The following LIX1L variants were observed in gnomAD, a reference collection of about 807,000 sequenced individuals.
LIX1L encodes limb and CNS expressed 1 like.
Under a neutral mutation model 34.0 loss-of-function variants are expected in LIX1L, and 20 were observed. That is an observed-to-expected ratio of 0.59 (90% CI 0.41 to 0.85). The LOEUF (loss-of-function observed/expected upper bound fraction) is 0.85, where lower values mean the gene tolerates loss of function less well. Ranked by LOEUF, LIX1L falls within the 40% of genes least tolerant of loss-of-function variation. The pLI is 0.00. For synonymous variants in LIX1L, 170 were observed against 187.4 expected (o/e 0.91, Z 0.76); for missense variants, 397 against 447.0 (o/e 0.89, Z 1.01).
Position 145,936,212 on chromosome 1 carries a change from TA to T in LIX1L, c.*97del. ...ATACACATATATATTTTTTAAAGTA[TA>T]AAAATGAGAAAGTATGTACAAAAAA... On this transcript the variant is annotated 3_prime_UTR_variant, in exon 6 of 6. Transcript: ENST00000604000. The T allele has an allele frequency of 7.4e-7, 1 of 1,356,508 alleles. No individual in the cohort carries two copies. The highest frequency in any genetic ancestry group is 9.9e-7 in the Non-Finnish European group (1 of 1,005,158). The allele number at this position is 1,356,508 out of a possible 1,614,324, so 84.0% of individuals were successfully genotyped here.
chr1:145,954,273 T>C (rs1300507115), intron 1 of LIX1L, among the ~76,000 whole-genome samples: 2 of 152,134 alleles, frequency 1.3e-5, no homozygotes, highest in Non-Finnish European at 2.9e-5. Context: ...TTTGGACTTC[T>C]GGCCTCCAGA....
Position 145,957,964 on chromosome 1 carries a change from A to C in LIX1L, c.-37T>G. The C allele has an allele frequency of 7.3e-7, 1 of 1,375,194 alleles. No individual in the cohort carries two copies. The highest frequency in any genetic ancestry group is 9.5e-7 in the Non-Finnish European group (1 of 1,051,150). The allele number at this position is 1,375,194 out of a possible 1,614,324, so 85.2% of individuals were successfully genotyped here. The stretch of plus-strand genomic sequence containing the variant: ...ATGGAGTAGCGCCCCGGAGCCTGCC[A>C]GCCTGCCGAGCTAACGGTCCCAACC... On this transcript the variant is annotated 5_prime_UTR_variant, in exon 1 of 6. Coordinates refer to ENST00000604000, the MANE Select transcript of LIX1L (RefSeq NM_153713.3).
rs1434701624 is a variant in LIX1L, at chr1:145,948,053, C to G, written c.293-271G>C. ...TTTTTTTTTCACTCCCACCTCCAAT[C>G]TGAATAGTTCACATTTTAACTTAGT... On this transcript the variant is annotated intron_variant, in intron 1 of 5. Coordinates refer to ENST00000604000, the MANE Select transcript of LIX1L (RefSeq NM_153713.3). This position sits in a 1 kb window ranked among gnomAD's most constrained non-coding sequence, Gnocchi z 4.0. 2.0e-5 allele frequency among the ~76,000 whole-genome samples: 3 copies of G among 152,098 alleles called. No individual in the cohort carries two copies. Among genetic ancestry groups the G allele is most frequent in the African/African-American group, 7.2e-5 (3 of 41,418 alleles).
chr1:145,957,722 C>T lies in LIX1L; in HGVS notation c.206G>A (p.Gly69Asp). 2 of 1,479,776 alleles carry T rather than the reference C, an allele frequency of 1.4e-6. No individual in the cohort carries two copies. Among genetic ancestry groups the T allele is most frequent in the South Asian group, 1.3e-5 (1 of 76,910 alleles). 91.7% of individuals were successfully genotyped at this position (1,479,776 alleles called of 1,614,324 possible). A position where few individuals can be genotyped will look rare whatever the true frequency, so the allele number is the denominator to read the frequency against. ...SGAPGLPLPP[G>D]AAGSPAVLRE... ...CAGCACTGCCGGGCTGCCGGCGGCGCCGGGGGGCAGGGGTAGTCCTGGGGC... is the reference window on the plus strand; with the variant it reads ...CAGCACTGCCGGGCTGCCGGCGGCGTCGGGGGGCAGGGGTAGTCCTGGGGC... Residue 69 changes from glycine to aspartate, a missense_variant, in exon 1 of 6, where the codon GGC (glycine) becomes GAC (aspartate). Coordinates refer to ENST00000604000, the MANE Select transcript of LIX1L (RefSeq NM_153713.3).
At chr1:145,950,557 A>G (rs372226613) in intron 1 of LIX1L, among the ~76,000 whole-genome samples, 1 of 151,538 alleles carries the variant, frequency 6.6e-6, no homozygotes, top group African/African-American at 2.4e-5. Context: ...TAGTAGAGAC[A>G]GGGTTTCACC....
At chr1:145,937,565 C>G in intron 4 of LIX1L, 39 bp downstream of exon 4, 1 of 1,255,498 alleles carries the variant, frequency 8.0e-7, no homozygotes, top group Non-Finnish European at 1.2e-6. Flanking sequence ...AGCAGGCTGA[C>G]CCATGTTATT....
chr1:145,950,971 T>C (rs1434663794), intron 1 of LIX1L, among the ~76,000 whole-genome samples: 4 of 152,222 alleles, frequency 2.6e-5, no homozygotes, highest in Non-Finnish European at 5.9e-5. Context: ...TAGCAAAACT[T>C]TGAGCACTTA....
At chr1:145,936,592 A>G in intron 5 of LIX1L, 40 bp from the exon 6 acceptor site, 1 of 1,611,492 alleles carries the variant, frequency 6.2e-7, no homozygotes, top group Non-Finnish European at 8.5e-7. Flanking sequence ...TGAGAAGGTA[A>G]AGGTTCATAT....
At chr1:145,937,996 T>A (rs1338811214) in intron 3 of LIX1L, among the ~76,000 whole-genome samples, 1 of 151,778 alleles carries the variant, frequency 6.6e-6, no homozygotes, top group Admixed American at 6.6e-5. Flanking sequence ...GGCATGGTAG[T>A]GGGTGCCTGT....
intron 2 of LIX1L, among the ~76,000 whole-genome samples, chr1:145,945,932 C>CAAAA (rs782015208): frequency 2.8e-5 from 2 of 71,900 alleles, no homozygotes; most frequent in African/African-American, 4.7e-5. Flanking sequence ...CTAAAAATAC[C>CAAAA]AAAAAAAAAA....
intron 1 of LIX1L, among the ~76,000 whole-genome samples, chr1:145,955,450 T>C (rs1240416290): frequency 6.6e-6 from 1 of 152,302 alleles, no homozygotes; most frequent in East Asian, 1.9e-4. Flanking sequence ...TTGAAGATGA[T>C]GTGGTAAAGC....
intron 3 of LIX1L, among the ~76,000 whole-genome samples, chr1:145,941,640 T>C (rs1553758664): frequency 6.6e-6 from 1 of 152,114 alleles, no homozygotes; most frequent in African/African-American, 2.4e-5. Context: ...GATGGCGGTG[T>C]TAATTTCTAA....
intron 1 of LIX1L, among the ~76,000 whole-genome samples, chr1:145,951,818 T>C (rs1186193309): frequency 1.3e-5 from 2 of 152,170 alleles, no homozygotes; most frequent in South Asian, 2.1e-4. Context: ...ACCACCATAA[T>C]TGGGAAGGTC....
Position 145,957,948 on chromosome 1 carries a change from C to A in LIX1L, c.-21G>T, listed in dbSNP as rs781854136. 9.1e-6 allele frequency: 13 copies of A among 1,433,668 alleles called. No homozygotes were observed. Among genetic ancestry groups the A allele is most frequent in the Non-Finnish European group, 1.2e-5 (13 of 1,090,368 alleles). The allele number at this position is 1,433,668 out of a possible 1,614,324, so 88.8% of individuals were successfully genotyped here. On this transcript the variant is annotated 5_prime_UTR_variant, in exon 1 of 6. Transcript: ENST00000604000. ...TCCATCCCGGCCGCCAATGGAGTAGCGCCCCGGAGCCTGCCAGCCTGCCGA... is the reference window on the plus strand; with the variant it reads ...TCCATCCCGGCCGCCAATGGAGTAGAGCCCCGGAGCCTGCCAGCCTGCCGA...
chr1:145,936,750 G>A (rs1220148534), intron 5 of LIX1L, among the ~76,000 whole-genome samples, 158 bp downstream of exon 5: 1 of 152,098 alleles, frequency 6.6e-6, no homozygotes, highest in African/African-American at 2.4e-5. Flanking sequence ...TATTTACACA[G>A]GAAAGATTAT....
At chr1:145,939,155 A>AT (rs1553758217) in intron 3 of LIX1L, among the ~76,000 whole-genome samples, 1 of 150,454 alleles carries the variant, frequency 6.6e-6, no homozygotes, top group African/African-American at 2.5e-5. Flanking sequence ...TTATTTTATT[A>AT]TTTTTTTGTA....
In LIX1L at chr1:145,947,750, G is replaced by A; in HGVS notation, c.325C>T (p.Gln109Ter). The A allele has an allele frequency of 1.2e-6, 2 of 1,614,084 alleles. No homozygotes were observed. The highest frequency in any genetic ancestry group is 1.7e-6 in the Non-Finnish European group (2 of 1,180,010). The change falls in exon 2 of 6, where the codon CAG becomes TAG. Residue 109 changes from glutamine (Q) to a stop codon, truncating the protein, a stop_gained. Transcript: ENST00000604000. LOFTEE classifies it high-confidence loss of function. Reference sequence around the variant, plus strand: ...TCAGCACCACGGGACTGCTTCATCTGCCAGAATTCCTGAAGTGCCTCCACC... The same window carrying A: ...TCAGCACCACGGGACTGCTTCATCTACCAGAATTCCTGAAGTGCCTCCACC... The part of the protein sequence containing the change: ...NVVEALQEFW[Q>*]MKQSRGADLK...
rs782042780 is a variant in LIX1L, at chr1:145,936,442, C to T, written c.882G>A (p.Glu294=). 9 of 1,614,170 alleles carry T rather than the reference C, an allele frequency of 5.6e-6. No individual in the cohort carries two copies. The highest frequency in any genetic ancestry group is 7.6e-6 in the Non-Finnish European group (9 of 1,180,046). ...CCAGCTCCCGCTCAGTAGAGGCCAG[C>T]TCTCTAGACAGTGCCCCCGGCACAC... is the stretch of plus-strand genomic sequence containing the variant. ...EQSVPGALSR[E]LASTERELDE... The change falls in exon 6 of 6, where the codon GAG becomes GAA. Residue 294 remains glutamate (E), a synonymous_variant. Coordinates refer to ENST00000604000, the MANE Select transcript of LIX1L (RefSeq NM_153713.3).
chr1:145,950,132 C>T (rs1166830205), intron 1 of LIX1L: 2 of 151,780 alleles, frequency 1.3e-5, no homozygotes, highest in African/African-American at 4.8e-5. Flanking sequence ...CGTCTGGCCT[C>T]TCCTCTTCTA....
Sources: allele counts gnomAD v4.1 joint callset (sites outside exome capture counted in the v4.1 genomes callset), GRCh38; gene constraint gnomAD v4.1.1; non-coding constraint Gnocchi (gnomAD v3.1); transcripts MANE v1.5; gene names NCBI Gene and HGNC (gene_info 2026-07-23, HGNC 2026-07-21).